The following SMIM20 variants were observed in gnomAD, a reference collection of about 807,000 sequenced individuals.
SMIM20 encodes the protein small integral membrane protein 20, also known as mitochondrial translation regulation assembly intermediate of cytochrome c oxidase protein of 7 kDa.
Under a neutral mutation model 8.7 loss-of-function variants are expected in SMIM20, and 3 were observed. The ratio of observed to expected loss-of-function variants is 0.34; its 90% CI spans 0.16 to 0.89. The LOEUF (loss-of-function observed/expected upper bound fraction) is 0.89. Ranked by LOEUF, SMIM20 falls within the 40% of genes least tolerant of loss-of-function variation. SMIM20 has a pLI of 0.49. For synonymous variants in SMIM20, 44 were observed against 33.6 expected (o/e 1.31, Z -1.07); for missense variants, 85 against 84.8 (o/e 1.00, Z -0.01).
intron 1 of SMIM20, among the ~76,000 whole-genome samples, chr4:25,918,990 C>T (rs1421262997): frequency 4.7e-5 from 7 of 147,960 alleles, no homozygotes; most frequent in South Asian, 2.2e-4. Flanking sequence ...CTGCAAGCTC[C>T]GCTTCCCGGG....
intron 1 of SMIM20, among the ~76,000 whole-genome samples, chr4:25,924,087 C>T (rs1316830749): frequency 6.6e-6 from 1 of 152,174 alleles, no homozygotes; most frequent in African/African-American, 2.4e-5. Context: ...GCACTTGCTG[C>T]TGCGGTCATA....
intron 1 of SMIM20, among the ~76,000 whole-genome samples, chr4:25,920,156 G>A (rs905277088): frequency 6.6e-6 from 1 of 152,188 alleles, no homozygotes; most frequent in African/African-American, 2.4e-5. Flanking sequence ...CTTAATTACA[G>A]TGCTCCAGTA....
chr4:25,918,156 A>T (rs1719128992), intron 1 of SMIM20, among the ~76,000 whole-genome samples: 1 of 151,698 alleles, frequency 6.6e-6, no homozygotes, highest in Non-Finnish European at 1.5e-5. Context: ...GTTAGCCAGG[A>T]TGGTCTCGAC....
chr4:25,926,898 A>C (rs538203109), intron 1 of SMIM20, among the ~76,000 whole-genome samples: 1 of 152,288 alleles, frequency 6.6e-6, no homozygotes, highest in South Asian at 2.1e-4. Flanking sequence ...GGGCTTTTAC[A>C]TGTTGGTATC....
intron 1 of SMIM20, among the ~76,000 whole-genome samples, chr4:25,924,463 CTCTT>C (rs1206666243): frequency 3.3e-5 from 5 of 152,140 alleles, no homozygotes; most frequent in Admixed American, 3.3e-4. Flanking sequence ...CAGAGCAAGA[CTCTT>C]TCTCAAAAAA....
In SMIM20 at chr4:25,918,929, G is replaced by T. The variant is rs527564023; in HGVS notation, c.109+4507G>T. ...TTTTTTTTTTTTGAGACGGAGTCTC[G>T]CTCTGTCGCCCAGGCCGGACTGCGG... is the stretch of plus-strand genomic sequence containing the variant. On this transcript the variant is annotated intron_variant, in intron 1 of 2. Transcript: ENST00000506197. 3.5e-5 allele frequency among the ~76,000 whole-genome samples: 4 copies of T among 113,258 alleles called. No homozygotes were observed. The South Asian group carries it at 8.6e-4, about 24-fold the overall frequency. 74.3% of individuals were successfully genotyped at this position (113,258 alleles called of 152,430 possible). A position where few individuals can be genotyped will look rare whatever the true frequency, so the allele number is the denominator to read the frequency against.
intron 1 of SMIM20, among the ~76,000 whole-genome samples, chr4:25,921,370 TA>T (rs959625294): frequency 3.3e-5 from 5 of 151,726 alleles, no homozygotes; most frequent in Non-Finnish European, 2.9e-5. Flanking sequence ...CTGTCTCATT[TA>T]AAAAAAAGAA....
At chr4:25,920,618 T>G (rs980535994) in intron 1 of SMIM20, among the ~76,000 whole-genome samples, 1 of 152,210 alleles carries the variant, frequency 6.6e-6, no homozygotes, top group African/African-American at 2.4e-5. Flanking sequence ...GTAGCCTAAG[T>G]GTGCAGTGTT....
chr4:25,918,827 A>G (rs1719143836), intron 1 of SMIM20, among the ~76,000 whole-genome samples: 1 of 148,428 alleles, frequency 6.7e-6, no homozygotes, highest in South Asian at 2.1e-4. Flanking sequence ...ATTTCTTTTA[A>G]TATTTTCCTA....
intron 2 of SMIM20, 88 bp downstream of exon 2, chr4:25,928,457 TG>T: frequency 7.7e-7 from 1 of 1,299,580 alleles, no homozygotes; most frequent in Non-Finnish European, 1.0e-6. Context: ...GCGTGGAGAG[TG>T]GGAAAATGCC....
At chr4:25,927,446 A>G (rs1029034432) in intron 1 of SMIM20, among the ~76,000 whole-genome samples, 1 of 152,238 alleles carries the variant, frequency 6.6e-6, no homozygotes, top group Non-Finnish European at 1.5e-5. Flanking sequence ...GCCTGATACT[A>G]AATAAGAGCT....
chr4:25,925,021 A>T (rs1434015021), intron 1 of SMIM20, among the ~76,000 whole-genome samples: 2 of 152,222 alleles, frequency 1.3e-5, no homozygotes, highest in African/African-American at 4.8e-5. Context: ...GAAACAAATG[A>T]ATTTAATGTT....
intron 1 of SMIM20, among the ~76,000 whole-genome samples, chr4:25,927,598 TAAA>T (rs147547943): frequency 0.025 from 3,830 of 152,336 alleles, 86 homozygotes; most frequent in Non-Finnish European, 0.038. Flanking sequence ...TCAAGATACT[TAAA>T]ATAATAACTC....
At chr4:25,917,650 G>T (rs1482365559) in intron 1 of SMIM20, among the ~76,000 whole-genome samples, 2 of 152,160 alleles carry the variant, frequency 1.3e-5, no homozygotes, top group Non-Finnish European at 2.9e-5. Flanking sequence ...ACTGTGCTGG[G>T]TGTGGACTGC....
intron 1 of SMIM20, among the ~76,000 whole-genome samples, chr4:25,916,539 A>C (rs1374342596): frequency 6.7e-6 from 1 of 148,346 alleles, no homozygotes; most frequent in Non-Finnish European, 1.5e-5. Context: ...TAATTTGGCC[A>C]ACTCTTTTCT....
intron 1 of SMIM20, among the ~76,000 whole-genome samples, chr4:25,917,301 G>C (rs1407623495): frequency 6.6e-6 from 1 of 152,008 alleles, no homozygotes; most frequent in African/African-American, 2.4e-5. Context: ...ATCTGTAGCA[G>C]TGTAGTTCAC....
chr4:25,928,146 G>T (rs1375883837), intron 1 of SMIM20, 167 bp from the exon 2 acceptor site: 2 of 542,420 alleles, frequency 3.7e-6, no homozygotes, highest in Non-Finnish European at 6.2e-6. Context: ...TGCATTATAG[G>T]ATCTAACTTC....
intron 1 of SMIM20, among the ~76,000 whole-genome samples, chr4:25,917,007 T>C (rs1394885338): frequency 2.6e-5 from 4 of 152,208 alleles, no homozygotes; most frequent in Admixed American, 1.3e-4. Flanking sequence ...CCATTTAGTG[T>C]TGATAACAGC....
intron 2 of SMIM20, among the ~76,000 whole-genome samples, 194 bp from the exon 3 acceptor site, chr4:25,928,960 T>C (rs966744922): frequency 6.6e-6 from 1 of 152,238 alleles, no homozygotes; most frequent in South Asian, 2.1e-4. Flanking sequence ...TCCTGAGCCA[T>C]TTAAAAGTCC....
Sources: gnomAD v4.1 joint callset for allele counts (sites outside exome capture counted in the v4.1 genomes callset) on GRCh38, gnomAD v4.1.1 for gene constraint, MANE v1.5 for transcripts, NCBI Gene and HGNC (gene_info 2026-07-23, HGNC 2026-07-21) for gene names.